The following GPR180 variants were observed in gnomAD, a reference collection of about 807,000 sequenced individuals.
GPR180 encodes the protein G protein-coupled receptor 180.
GPR180 carries 53 observed loss-of-function variants against 52.6 expected under a neutral mutation model. That is an observed-to-expected ratio of 1.01 (90% CI 0.81 to 1.27). The LOEUF is 1.27. GPR180 is among the 50% of genes most tolerant of loss of function. The probability of loss-of-function intolerance (pLI) is 0.00; values close to 1 mark genes in which losing one functional copy is unlikely to be tolerated. For missense variants in GPR180, 533 were observed against 527.0 expected (o/e 1.01, Z -0.11); for synonymous variants, 200 against 193.1 (o/e 1.04, Z -0.30).
At chr13:94,617,622 G>A (rs1889795299) in intron 3 of GPR180, among the ~76,000 whole-genome samples, 1 of 152,124 alleles carries the variant, frequency 6.6e-6, no homozygotes, top group Admixed American at 6.5e-5. Flanking sequence ...TCCCCCTAAC[G>A]AGGCCAAAAG....
chr13:94,624,465 G>C (rs1889895638), intron 7 of GPR180, among the ~76,000 whole-genome samples: 1 of 152,162 alleles, frequency 6.6e-6, no homozygotes. Flanking sequence ...ATGTCATCCT[G>C]CCTTTGAGTT....
chr13:94,621,829 G>C (rs1286254611), intron 6 of GPR180, among the ~76,000 whole-genome samples: 3 of 151,472 alleles, frequency 2.0e-5, no homozygotes, highest in African/African-American at 7.3e-5. Context: ...TAATAGTATT[G>C]ACATTCTAAG....
chr13:94,616,879 A>G (rs565921971), intron 3 of GPR180, among the ~76,000 whole-genome samples: 2 of 152,346 alleles, frequency 1.3e-5, no homozygotes, highest in South Asian at 4.1e-4. Flanking sequence ...CACTGAGTGC[A>G]GAGCTAGCAT....
intron 1 of GPR180, 53 bp downstream of exon 1, chr13:94,602,125 C>A: frequency 2.4e-6 from 3 of 1,268,786 alleles, no homozygotes; most frequent in Non-Finnish European, 3.0e-6. Flanking sequence ...ATCCCGCCGG[C>A]TGAGTCCGCC....
chr13:94,612,854 TTGTA>T (rs1442838758), intron 3 of GPR180, among the ~76,000 whole-genome samples: 14 of 149,330 alleles, frequency 9.4e-5, no homozygotes, highest in African/African-American at 3.6e-4. Flanking sequence ...CTCAGCTACT[TTGTA>T]TGGGTAACTC....
Position 94,629,260 on chromosome 13 carries a change from A to G in GPR180, c.*2089A>G, listed in dbSNP as rs934193927. 1 of 152,164 alleles carries G rather than the reference A, an allele frequency of 6.6e-6. No homozygotes were observed. Among genetic ancestry groups the G allele is most frequent in the Non-Finnish European group, 1.5e-5 (1 of 67,990 alleles). The allele number at this position is 152,164 out of a possible 1,614,324, so 9.4% of individuals were successfully genotyped here. On this transcript the variant is annotated 3_prime_UTR_variant, in exon 9 of 9. Coordinates refer to ENST00000376958, the MANE Select transcript of GPR180 (RefSeq NM_180989.6). ...AAGTTAAGTGTATACTACAAACTCT[A>G]ATTAAAGATAAAAATCTTTTCTACT...
chr13:94,625,589 A>C (rs531098177), intron 7 of GPR180, among the ~76,000 whole-genome samples: 1 of 152,292 alleles, frequency 6.6e-6, no homozygotes, highest in Non-Finnish European at 1.5e-5. Context: ...GTATTTTTAC[A>C]GGATTTCTTT....
intron 2 of GPR180, among the ~76,000 whole-genome samples, chr13:94,610,203 A>G (rs1221676698): frequency 1.3e-5 from 2 of 152,218 alleles, no homozygotes; most frequent in Non-Finnish European, 2.9e-5. Context: ...TTTAACTATC[A>G]TACACCTAAG....
At chr13:94,607,941 T>G (rs1889655953) in intron 2 of GPR180, among the ~76,000 whole-genome samples, 2 of 152,238 alleles carry the variant, frequency 1.3e-5, no homozygotes, top group South Asian at 4.1e-4. Flanking sequence ...TGGCTGGTTG[T>G]TAGCTTTTTG....
At position 94,623,173 on chromosome 13, in the gene GPR180, A is replaced by G. The variant is rs1566982242; in HGVS notation, c.959A>G (p.Asn320Ser). Residue 320 changes from asparagine (N) to serine (S), a missense_variant, in exon 7 of 9, where the codon AAC (asparagine) becomes AGC (serine). Asn to Ser is a conservative substitution (Grantham distance 46). Transcript: ENST00000376958. ...CATCATAGCTACCATTCACACCACA[A>G]CTTAGCAGGGATCCTCCTAATTGTT... The part of the protein sequence containing the change: ...ISHHSYHSHH[N>S]LAGILLIVLR... 1.2e-6 allele frequency: 2 copies of G among 1,614,026 alleles called. No individual in the cohort carries two copies. Among genetic ancestry groups the G allele is most frequent in the East Asian group, 2.2e-5 (1 of 44,862 alleles).
Position 94,628,932 on chromosome 13 carries a change from T to A in GPR180, c.*1761T>A, listed in dbSNP as rs1369690564. On this transcript the variant is annotated 3_prime_UTR_variant, in exon 9 of 9. Coordinates refer to ENST00000376958, the MANE Select transcript of GPR180 (RefSeq NM_180989.6). ...CAAAAGGGGAAGGGAAAAATCTTTG[T>A]GTTACTTCACTCAAAGAACATAAGT... 6.6e-6 allele frequency: 1 copy of A among 152,142 alleles called. No homozygotes were observed. The highest frequency in any genetic ancestry group is 1.5e-5 in the Non-Finnish European group (1 of 67,974). The allele number at this position is 152,142 out of a possible 1,614,324, so 9.4% of individuals were successfully genotyped here.
chr13:94,622,037 G>T (rs1481838847), intron 6 of GPR180, among the ~76,000 whole-genome samples: 2 of 152,164 alleles, frequency 1.3e-5, no homozygotes, highest in African/African-American at 2.4e-5. Flanking sequence ...GATGGGGTCA[G>T]TGCTTTATTC....
rs1267682957 is a variant in GPR180, at chr13:94,626,762, A to G, written c.1165-251A>G. On this transcript the variant is annotated intron_variant, in intron 8 of 8. Coordinates refer to ENST00000376958, the MANE Select transcript of GPR180 (RefSeq NM_180989.6). ...CTGTAGTGCATACCCTTAGGAGAGAATGGTTTAGCAAGTTATTCTTTTGTG... is the reference window on the plus strand; with the variant it reads ...CTGTAGTGCATACCCTTAGGAGAGAGTGGTTTAGCAAGTTATTCTTTTGTG... Among the ~76,000 whole-genome samples the G allele has an allele frequency of 4.6e-5, 7 of 152,216 alleles. No homozygotes were observed. The South Asian group carries it at 1.0e-3, about 23-fold the overall frequency.
In GPR180 at chr13:94,628,713, G is replaced by C. The variant is rs1001419330; in HGVS notation, c.*1542G>C. 1.1e-4 allele frequency: 16 copies of C among 151,968 alleles called. No homozygotes were observed. The highest frequency in any genetic ancestry group is 2.9e-4 in the African/African-American group (12 of 41,412). 9.4% of individuals were successfully genotyped at this position (151,968 alleles called of 1,614,324 possible). Reference sequence around the variant, plus strand: ...TCTTTGTAAATCACTTAGTACATTAGAGCTACAGGTTAAGACTAGAAAGTC... The same window carrying C: ...TCTTTGTAAATCACTTAGTACATTACAGCTACAGGTTAAGACTAGAAAGTC... On this transcript the variant is annotated 3_prime_UTR_variant, in exon 9 of 9. Coordinates refer to ENST00000376958, the MANE Select transcript of GPR180 (RefSeq NM_180989.6).
At chr13:94,623,359 G>C in intron 7 of GPR180, 59 bp downstream of exon 7, 4 of 1,375,016 alleles carry the variant, frequency 2.9e-6, no homozygotes, top group Non-Finnish European at 4.1e-6. Flanking sequence ...TGGTTTCTTT[G>C]GGAAGTTAAT....
intron 2 of GPR180, among the ~76,000 whole-genome samples, chr13:94,611,642 C>T (rs983708499): frequency 2.6e-5 from 4 of 152,210 alleles, no homozygotes; most frequent in Admixed American, 2.6e-4. Context: ...TTGTGTCCTT[C>T]ATCATTGGTA....
In GPR180 at chr13:94,619,479, A is replaced by G. The variant is rs763169495; in HGVS notation, c.698A>G (p.Asp233Gly). Residue 233 changes from aspartate to glycine, a missense_variant, in exon 5 of 9, where the codon GAT (aspartate) becomes GGT (glycine). Asp to Gly is a moderately conservative substitution (Grantham distance 94). Coordinates refer to ENST00000376958, the MANE Select transcript of GPR180 (RefSeq NM_180989.6). The stretch of plus-strand genomic sequence containing the variant: ...CTTCAATTCCTCAGTTACTCCAAAG[A>G]TGGAATAGGGGTACCATTTATGGGA... Reference protein sequence around the residue: ...NYIHFSSYSKDGIGVPFMGSL... With the variant: ...NYIHFSSYSKGGIGVPFMGSL... 1.2e-6 allele frequency: 2 copies of G among 1,613,034 alleles called. No homozygotes were observed. Among genetic ancestry groups the G allele is most frequent in the African/African-American group, 1.3e-5 (1 of 74,894 alleles).
At position 94,602,081 on chromosome 13, in the gene GPR180, G is replaced by T. The variant is rs562927203; in HGVS notation, c.145+9G>T. The T allele has an allele frequency of 1.5e-6, 2 of 1,343,914 alleles. No individual in the cohort carries two copies. The highest frequency in any genetic ancestry group is 1.9e-5 in the South Asian group (1 of 51,342). The allele number at this position is 1,343,914 out of a possible 1,614,324, so 83.2% of individuals were successfully genotyped here. The stretch of plus-strand genomic sequence containing the variant: ...CCACTTCGAGTTCCATGGTAGGTCT[G>T]GGGGCGGGGAGGGGGATGAAGGCGC... On this transcript the variant is annotated intron_variant, in intron 1 of 8. Transcript: ENST00000376958.
Position 94,630,059 on chromosome 13 carries a change from A to G in GPR180, c.*2888A>G, listed in dbSNP as rs1168282846. ...TTTTTTGTTTGTTTTGAGAATTGAT[A>G]TGATTGTTAGAAGTAGCCAGATACG... On this transcript the variant is annotated 3_prime_UTR_variant, in exon 9 of 9. Coordinates refer to ENST00000376958, the MANE Select transcript of GPR180 (RefSeq NM_180989.6). The G allele has an allele frequency of 1.3e-5, 2 of 152,226 alleles. No individual in the cohort carries two copies. Among genetic ancestry groups the G allele is most frequent in the African/African-American group, 4.8e-5 (2 of 41,466 alleles). The allele number at this position is 152,226 out of a possible 1,614,324, so 9.4% of individuals were successfully genotyped here.
Sources: gnomAD v4.1 joint callset for allele counts (sites outside exome capture counted in the v4.1 genomes callset) on GRCh38, gnomAD v4.1.1 for gene constraint, MANE v1.5 for transcripts, NCBI Gene and HGNC (gene_info 2026-07-23, HGNC 2026-07-21) for gene names.